The following KANTR variants were observed in gnomAD, a reference collection of about 807,000 sequenced individuals.
The protein encoded by KANTR is KANTR integral membrane protein.
chrX:53,101,265 T>C (rs943878372), intron 2 of KANTR, among the ~76,000 whole-genome samples: 4 of 112,579 alleles, frequency 3.6e-5, no homozygotes, highest in African/African-American at 1.3e-4. Context: ...CCTTTCAACA[T>C]GCCTTCCTCA....
intron 1 of KANTR, among the ~76,000 whole-genome samples, chrX:53,096,214 T>A: frequency 8.9e-6 from 1 of 111,908 alleles, no homozygotes; most frequent in Admixed American, 9.5e-5. Context: ...TGCTGTTTAT[T>A]GTCTGACTCT....
intron 2 of KANTR, among the ~76,000 whole-genome samples, chrX:53,138,922 G>A (rs1933462083): frequency 9.1e-6 from 1 of 110,308 alleles, no homozygotes; most frequent in Non-Finnish European, 1.9e-5. Flanking sequence ...GTACAAAAAT[G>A]GATTCTAGGG....
intron 2 of KANTR, among the ~76,000 whole-genome samples, chrX:53,121,827 A>G (rs190610857): frequency 9.0e-6 from 1 of 111,547 alleles, no homozygotes. Context: ...CCTGGTATCC[A>G]TTGGCATCCC....
intron 2 of KANTR, among the ~76,000 whole-genome samples, chrX:53,138,732 A>G: frequency 9.1e-6 from 1 of 110,205 alleles, no homozygotes; most frequent in Middle Eastern, 4.6e-3. Context: ...AATATAAACA[A>G]TGTGTCATTG....
chrX:53,104,352 G>A (rs919516240), intron 2 of KANTR, among the ~76,000 whole-genome samples: 3 of 109,514 alleles, frequency 2.7e-5, no homozygotes, highest in African/African-American at 6.6e-5. Context: ...TCAGCCTCCC[G>A]AGTAACTGGG....
intron 2 of KANTR, among the ~76,000 whole-genome samples, chrX:53,110,416 C>T (rs2146728296): frequency 8.9e-6 from 1 of 111,982 alleles, no homozygotes; most frequent in South Asian, 3.7e-4. Flanking sequence ...TTTTGTCCTT[C>T]ATTCTGCTAA....
At chrX:53,108,215 T>TG (rs1292001686) in intron 2 of KANTR, among the ~76,000 whole-genome samples, 6 of 105,933 alleles carry the variant, frequency 5.7e-5, no homozygotes, top group Non-Finnish European at 1.2e-4. Context: ...ATTTTTTTTT[T>TG]TTTTGAGACA....
chrX:53,138,014 T>C (rs1556817892), intron 2 of KANTR, among the ~76,000 whole-genome samples: 1 of 111,039 alleles, frequency 9.0e-6, no homozygotes, highest in African/African-American at 3.3e-5. Context: ...TATCTTTTGT[T>C]CTCTATTTTA....
At chrX:53,095,432 T>G (rs1361501886) in intron 1 of KANTR, among the ~76,000 whole-genome samples, 1 of 110,484 alleles carries the variant, frequency 9.1e-6, no homozygotes, top group Non-Finnish European at 1.9e-5. Context: ...TCATACCTGT[T>G]GGACCCAACA....
chrX:53,094,709 A>G (rs919461949), intron 1 of KANTR: 2 of 111,930 alleles, frequency 1.8e-5, no homozygotes, highest in African/African-American at 3.2e-5. Flanking sequence ...ACCTTGAGCT[A>G]TCTCCTTCAC....
chrX:53,145,749 C>A (rs1442066864), downstream of KANTR, among the ~76,000 whole-genome samples: 1 of 112,291 alleles, frequency 8.9e-6, no homozygotes, highest in African/African-American at 3.2e-5. Context: ...AGGCACCCCC[C>A]AGTAGGGGCA....
At chrX:53,124,386 G>A (rs1933267037) in exon 3 of KANTR, 1 of 294,621 alleles carries the variant, frequency 3.4e-6, no homozygotes, top group African/African-American at 2.8e-5. Context: ...ACCAACTTTT[G>A]GCTTTGTTGC....
intron 2 of KANTR, among the ~76,000 whole-genome samples, chrX:53,121,427 G>A (rs1556815494): frequency 8.9e-6 from 1 of 112,134 alleles, no homozygotes; most frequent in African/African-American, 3.2e-5. Flanking sequence ...AAATAAGAAA[G>A]CAACATTGCT....
At chrX:53,143,510 G>T, downstream of KANTR, 1 of 602,614 alleles carries the variant, frequency 1.7e-6, no homozygotes, top group Non-Finnish European at 2.9e-6. Flanking sequence ...GGCCTGGATG[G>T]CCACATACAT....
intron 2 of KANTR, among the ~76,000 whole-genome samples, chrX:53,121,397 C>T (rs1476390143): frequency 2.7e-5 from 3 of 112,101 alleles, no homozygotes; most frequent in African/African-American, 9.7e-5. Context: ...GTATATTCCT[C>T]ACTGTAGTAC....
At chrX:53,103,343 C>T (rs782726350) in intron 2 of KANTR, among the ~76,000 whole-genome samples, 168 of 111,203 alleles carry the variant, frequency 1.5e-3, no homozygotes, top group Non-Finnish European at 2.7e-3. Flanking sequence ...GCATCCTGTT[C>T]TCTAGCCAGT....
chrX:53,135,327 C>T (rs1556817478), intron 2 of KANTR, among the ~76,000 whole-genome samples: 1 of 111,647 alleles, frequency 9.0e-6, no homozygotes, highest in African/African-American at 3.3e-5. Context: ...AGAAAAGAAT[C>T]GTGGGGGTTA....
intron 2 of KANTR, among the ~76,000 whole-genome samples, chrX:53,138,338 A>G (rs1556817938): frequency 9.4e-6 from 1 of 106,273 alleles, no homozygotes; most frequent in African/African-American, 3.4e-5. Context: ...AACAGGCGCG[A>G]GTCACCACGC....
intron 2 of KANTR, among the ~76,000 whole-genome samples, chrX:53,102,914 C>T (rs1456931122): frequency 1.8e-5 from 2 of 110,023 alleles, no homozygotes; most frequent in Non-Finnish European, 1.9e-5. Context: ...TGATTTGCCA[C>T]CCTACAATGA....
Sources: allele counts gnomAD v4.1 joint callset (sites outside exome capture counted in the v4.1 genomes callset), GRCh38; gene constraint gnomAD v4.1.1; transcripts MANE v1.5; gene names NCBI Gene and HGNC (gene_info 2026-07-23, HGNC 2026-07-21).